Variants in MAD1L1 observed in about 807,000 individuals in gnomAD.
The protein encoded by MAD1L1 is mitotic spindle assembly checkpoint protein MAD1.
A neutral mutation model predicts 96.9 loss-of-function variants in MAD1L1; 95 were observed. The observed-to-expected ratio is 0.98, with a 90% CI of 0.83 to 1.16. MAD1L1 has a LOEUF of 1.16. MAD1L1 is among the 50% of genes most tolerant of loss of function. The probability of loss-of-function intolerance (pLI) is 0.00; values close to 1 mark genes in which losing one functional copy is unlikely to be tolerated. For synonymous variants in MAD1L1, 473 were observed against 396.6 expected (o/e 1.19, Z -2.29); for missense variants, 1,007 against 954.4 (o/e 1.06, Z -0.73).
intron 12 of MAD1L1, 94 bp from the exon 13 acceptor site, chr7:2,014,736 C>A: frequency 7.2e-7 from 1 of 1,397,684 alleles, no homozygotes; most frequent in Non-Finnish European, 9.5e-7. Flanking sequence ...AGCTGGGTCA[C>A]GCGGGGGCTC....
chr7:2,195,518 G>A (rs1791942820), intron 10 of MAD1L1, among the ~76,000 whole-genome samples: 1 of 152,226 alleles, frequency 6.6e-6, no homozygotes, highest in Non-Finnish European at 1.5e-5. Flanking sequence ...CTCAAAAGCA[G>A]ACAAACAGCA....
intron 12 of MAD1L1, among the ~76,000 whole-genome samples, chr7:2,055,534 G>A (rs1052439241): frequency 5.9e-5 from 9 of 152,046 alleles, no homozygotes; most frequent in African/African-American, 9.7e-5. Context: ...AGATGGGCAC[G>A]GTGGTGGCAC....
intron 15 of MAD1L1, among the ~76,000 whole-genome samples, chr7:1,978,287 C>T (rs763200475): frequency 5.9e-5 from 9 of 152,250 alleles, no homozygotes; most frequent in Non-Finnish European, 1.2e-4. Context: ...CCGAGGCCTC[C>T]AGGCCCGCTG....
intron 18 of MAD1L1, among the ~76,000 whole-genome samples, chr7:1,859,851 G>A (rs1353884263): frequency 2.6e-5 from 4 of 151,564 alleles, no homozygotes; most frequent in Admixed American, 6.6e-5. Context: ...GATACCCGGC[G>A]GGGCGGCCTC....
chr7:1,952,929 G>A (rs778087758), intron 16 of MAD1L1, among the ~76,000 whole-genome samples: 4 of 152,220 alleles, frequency 2.6e-5, no homozygotes, highest in South Asian at 2.1e-4. Context: ...CAGAGCACCC[G>A]CCGGGAGGCC....
chr7:2,071,735 C>G (rs551655976), intron 11 of MAD1L1, among the ~76,000 whole-genome samples: 14 of 152,084 alleles, frequency 9.2e-5, no homozygotes, highest in East Asian at 6.0e-4. Context: ...GGTTTCTCAC[C>G]GGAGCAGGGA....
rs554167579 is a variant in MAD1L1, at chr7:1,817,291, G to A, written c.1999-1063C>T. The stretch of plus-strand genomic sequence containing the variant: ...CCGGCAGCTCCTCAAAGAGCTGGAC[G>A]CAGAGTCCATGGGCCCAGCACCCGC... On this transcript the variant is annotated intron_variant, in intron 18 of 18. Transcript: ENST00000265854. 2.8e-4 allele frequency among the ~76,000 whole-genome samples: 42 copies of A among 152,264 alleles called. No individual in the cohort carries two copies. The South Asian group carries it at 8.7e-3, about 32-fold the overall frequency.
At chr7:2,155,591 G>T (rs73039241) in intron 10 of MAD1L1, among the ~76,000 whole-genome samples, 1 of 152,140 alleles carries the variant, frequency 6.6e-6, no homozygotes, top group African/African-American at 2.4e-5. Context: ...CACTCTACTT[G>T]GCATCACGTC....
chr7:2,059,617 C>CAGGGG (rs1223443412), intron 12 of MAD1L1, among the ~76,000 whole-genome samples: 2 of 130,408 alleles, frequency 1.5e-5, no homozygotes, highest in African/African-American at 5.9e-5. Context: ...GAAGCGTGGC[C>CAGGGG]AGGGGAGAGG....
At chr7:1,954,223 G>A (rs986264503) in intron 16 of MAD1L1, among the ~76,000 whole-genome samples, 10 of 152,174 alleles carry the variant, frequency 6.6e-5, no homozygotes, top group Admixed American at 2.0e-4. Flanking sequence ...CCAGGTATGT[G>A]CAGGGCCCCC....
intron 18 of MAD1L1, among the ~76,000 whole-genome samples, chr7:1,875,438 G>A (rs865883250): frequency 6.6e-6 from 1 of 152,234 alleles, no homozygotes; most frequent in African/African-American, 2.4e-5. Flanking sequence ...GGAAGTCCGT[G>A]TTGACTTGGG....
rs1041531670 is a variant in MAD1L1 at position 1,840,221 on chromosome 7, G to C, written c.1999-23993C>G. On this transcript the variant is annotated intron_variant, in intron 18 of 18. Coordinates refer to ENST00000265854, the MANE Select transcript of MAD1L1 (RefSeq NM_001013836.2). ...CTGCACGCTGGATGCCCTGGAGCCG[G>C]TGAGCGTGAGCAAGTGAGATCCTGA... Among the ~76,000 whole-genome samples the C allele has an allele frequency of 5.5e-4, 83 of 152,214 alleles. 1 individual carries two copies. Among genetic ancestry groups the C allele is most frequent in the Non-Finnish European group, 1.6e-4 (11 of 68,036 alleles).
At chr7:2,151,554 G>C (rs1402490851) in intron 10 of MAD1L1, among the ~76,000 whole-genome samples, 1 of 152,252 alleles carries the variant, frequency 6.6e-6, no homozygotes, top group African/African-American at 2.4e-5. Context: ...CCTCCCTGCA[G>C]CCTGCAGAGC....
At chr7:2,180,713 A>G (rs1423122514) in intron 10 of MAD1L1, among the ~76,000 whole-genome samples, 1 of 152,182 alleles carries the variant, frequency 6.6e-6, no homozygotes, top group Non-Finnish European at 1.5e-5. Flanking sequence ...ACATTATCTT[A>G]TATTAAATAT....
chr7:1,873,803 T>C (rs1235236392), intron 18 of MAD1L1, among the ~76,000 whole-genome samples: 1 of 151,862 alleles, frequency 6.6e-6, no homozygotes, highest in Non-Finnish European at 1.5e-5. Flanking sequence ...GACGTGTGTT[T>C]GGGGAGCAGG....
At chr7:2,204,330 C>G (rs187760165) in intron 10 of MAD1L1, among the ~76,000 whole-genome samples, 5 of 152,278 alleles carry the variant, frequency 3.3e-5, no homozygotes, top group Admixed American at 2.6e-4. Flanking sequence ...GACAGGCCAG[C>G]TTGAGTGAGG....
At chr7:1,886,826 G>A (rs1422730204) in intron 18 of MAD1L1, among the ~76,000 whole-genome samples, 1 of 152,268 alleles carries the variant, frequency 6.6e-6, no homozygotes. Flanking sequence ...GTGAGCACAG[G>A]TCTGTGGCCC....
chr7:2,146,071 G>A lies in MAD1L1; in HGVS notation c.1073+3081C>T, dbSNP rs901959021. 5.9e-5 allele frequency among the ~76,000 whole-genome samples: 9 copies of A among 152,304 alleles called. No homozygotes were observed. The highest frequency in any genetic ancestry group is 4.1e-4 in the South Asian group (2 of 4,820). ...CTGCGTGGTGTAGGCTGCTCACAGC[G>A]GCACACTACGCCGGCTGATAGGCAA... On this transcript the variant is annotated intron_variant, in intron 11 of 18. Coordinates refer to ENST00000265854, the MANE Select transcript of MAD1L1 (RefSeq NM_001013836.2). The surrounding 1 kb of genome is among the most constrained non-coding windows in gnomAD (Gnocchi z 6.2).
At chr7:2,163,990 A>T (rs1399806883) in intron 10 of MAD1L1, among the ~76,000 whole-genome samples, 1 of 152,098 alleles carries the variant, frequency 6.6e-6, no homozygotes, top group Non-Finnish European at 1.5e-5. Flanking sequence ...CTCAATTCTA[A>T]GTCCATTCAT....
Sources: allele counts gnomAD v4.1 joint callset (sites outside exome capture counted in the v4.1 genomes callset), GRCh38; gene constraint gnomAD v4.1.1; non-coding constraint Gnocchi (gnomAD v3.1); transcripts MANE v1.5; gene names NCBI Gene and HGNC (gene_info 2026-07-23, HGNC 2026-07-21).